The following PLEKHM3 variants were observed in gnomAD, a reference collection of about 807,000 sequenced individuals.
PLEKHM3 encodes the protein pleckstrin homology domain containing M3.
PLEKHM3 carries 45 observed loss-of-function variants against 81.8 expected under a neutral mutation model. That is an observed-to-expected ratio of 0.55 (90% CI 0.43 to 0.71). PLEKHM3 has a LOEUF of 0.71. Ranked by LOEUF, PLEKHM3 falls within the 30% of genes least tolerant of loss-of-function variation. PLEKHM3 has a pLI of 0.00. For missense variants in PLEKHM3, 788 were observed against 924.3 expected, an observed-to-expected ratio of 0.85 and a Z score of 1.91; for synonymous variants, 352 against 356.4, an observed-to-expected ratio of 0.99 and a Z score of 0.14.
Position 207,995,683 on chromosome 2 carries a change from T to G in PLEKHM3, c.610+5347A>C, listed in dbSNP as rs1692097252. ...CTGCTACCTATAAAGCAGTTAAAAT[T>G]ATCAGTGCACAAAGTGTTAGCTGCC... is the stretch of plus-strand genomic sequence containing the variant. On this transcript the variant is annotated intron_variant, in intron 2 of 7. Coordinates refer to ENST00000427836, the MANE Select transcript of PLEKHM3 (RefSeq NM_001080475.3). Among the ~76,000 whole-genome samples, 3 of 152,304 alleles carry G rather than the reference T, an allele frequency of 2.0e-5. No homozygotes were observed. In the South Asian group the frequency reaches 6.2e-4, roughly 32 times the overall value.
At chr2:207,916,807 A>T (rs1343552479) in intron 5 of PLEKHM3, among the ~76,000 whole-genome samples, 1 of 152,196 alleles carries the variant, frequency 6.6e-6, no homozygotes, top group Non-Finnish European at 1.5e-5. Flanking sequence ...TTCATCTCAG[A>T]ATAAGAGAAA....
chr2:208,011,326 G>A (rs1026124628), intron 1 of PLEKHM3, among the ~76,000 whole-genome samples: 2 of 152,262 alleles, frequency 1.3e-5, no homozygotes, highest in South Asian at 2.1e-4. Flanking sequence ...CTGCGAAAAT[G>A]TGGAACCAAC....
At chr2:207,962,834 G>A (rs1374325152) in intron 3 of PLEKHM3, among the ~76,000 whole-genome samples, 1 of 151,556 alleles carries the variant, frequency 6.6e-6, no homozygotes, top group Non-Finnish European at 1.5e-5. Flanking sequence ...CTGCAGAGAG[G>A]GTATTATGGT....
At chr2:208,007,969 C>T (rs1302188203) in intron 1 of PLEKHM3, among the ~76,000 whole-genome samples, 8 of 152,116 alleles carry the variant, frequency 5.3e-5, no homozygotes, top group Non-Finnish European at 1.0e-4. Context: ...AGGAGAATGG[C>T]GTGAACCCGG....
At chr2:208,023,016 T>C (rs896568224) in intron 1 of PLEKHM3, among the ~76,000 whole-genome samples, 1 of 152,336 alleles carries the variant, frequency 6.6e-6, no homozygotes, top group East Asian at 1.9e-4. Flanking sequence ...ATTTCCATAA[T>C]GGCAAAGGCA....
At chr2:207,996,881 T>A (rs1692138049) in intron 2 of PLEKHM3, among the ~76,000 whole-genome samples, 1 of 152,210 alleles carries the variant, frequency 6.6e-6, no homozygotes, top group Non-Finnish European at 1.5e-5. Context: ...TCATTAAATG[T>A]TTAAAACTTT....
chr2:207,989,609 C>T (rs1056487206), intron 2 of PLEKHM3, among the ~76,000 whole-genome samples: 1 of 152,190 alleles, frequency 6.6e-6, no homozygotes, highest in African/African-American at 2.4e-5. Flanking sequence ...CATCACACAT[C>T]ATGACGCCTG....
chr2:208,004,976 C>A (rs1447422145), intron 1 of PLEKHM3, among the ~76,000 whole-genome samples: 3 of 152,094 alleles, frequency 2.0e-5, no homozygotes, highest in South Asian at 4.1e-4. Flanking sequence ...AAGGCGCCCG[C>A]CACCACGCCT....
intron 6 of PLEKHM3, among the ~76,000 whole-genome samples, chr2:207,882,468 C>G (rs145834787): frequency 6.6e-6 from 1 of 151,778 alleles, no homozygotes; most frequent in Non-Finnish European, 1.5e-5. Flanking sequence ...AAAAATTAGC[C>G]GGGCATGGTC....
At chr2:207,832,715 C>T (rs572006803) in intron 7 of PLEKHM3, among the ~76,000 whole-genome samples, 4 of 151,370 alleles carry the variant, frequency 2.6e-5, no homozygotes, top group South Asian at 2.1e-4. Flanking sequence ...CGCTTGAACC[C>T]GGGAGTCAGA....
intron 7 of PLEKHM3, among the ~76,000 whole-genome samples, chr2:207,841,560 T>C (rs2092354527): frequency 6.8e-6 from 1 of 147,092 alleles, no homozygotes; most frequent in African/African-American, 2.5e-5. Context: ...GCTTTATTTA[T>C]TTTACATTAA....
At chr2:207,889,434 A>AACACACACACACACACACAC (rs35082335) in intron 6 of PLEKHM3, among the ~76,000 whole-genome samples, 8 of 129,172 alleles carry the variant, frequency 6.2e-5, no homozygotes, top group East Asian at 2.8e-4. Flanking sequence ...GGTTTTTTTC[A>AACACACACACACACACACAC]ACACACACAC....
intron 7 of PLEKHM3, among the ~76,000 whole-genome samples, chr2:207,836,446 C>T (rs1243879086): frequency 2.0e-5 from 3 of 151,982 alleles, no homozygotes; most frequent in African/African-American, 7.3e-5. Flanking sequence ...TCTAATAGTC[C>T]ATCACCAAGA....
intron 7 of PLEKHM3, among the ~76,000 whole-genome samples, chr2:207,851,011 G>A (rs918342170): frequency 2.6e-5 from 4 of 152,032 alleles, no homozygotes; most frequent in Non-Finnish European, 4.4e-5. Context: ...AAATTAGCTG[G>A]GCGTCGTGGC....
intron 1 of PLEKHM3, among the ~76,000 whole-genome samples, chr2:208,024,142 CAAAATAAAAT>C (rs57377948): frequency 0.027 from 3,757 of 137,750 alleles, 155 homozygotes; most frequent in African/African-American, 0.093. Flanking sequence ...GACCCTGTCT[CAAAATAAAAT>C]AAAATAAAAT....
chr2:207,856,078 CA>C lies in PLEKHM3; in HGVS notation c.2108+5026del, dbSNP rs1160276405. 1.8e-4 allele frequency among the ~76,000 whole-genome samples: 27 copies of C among 152,146 alleles called. 1 individual carries two copies. Among genetic ancestry groups the C allele is most frequent in the Admixed American group, 3.3e-4 (5 of 15,284 alleles). ...TTTCTCTGTTAATCTAAAATTGTTCCAGTAAGGTTTATAAAAATTGTTCATC... is the reference window on the plus strand; with the variant it reads ...TTTCTCTGTTAATCTAAAATTGTTCCGTAAGGTTTATAAAAATTGTTCATC... On this transcript the variant is annotated intron_variant, in intron 7 of 7. Transcript: ENST00000427836.
chr2:207,972,056 G>A (rs1426799361), intron 3 of PLEKHM3, among the ~76,000 whole-genome samples: 1 of 152,212 alleles, frequency 6.6e-6, no homozygotes, highest in Non-Finnish European at 1.5e-5. Flanking sequence ...ATTCACTGAT[G>A]TGATTATTTG....
chr2:207,935,328 G>A lies in PLEKHM3; in HGVS notation c.1693-4209C>T, dbSNP rs187960599. 9.6e-4 allele frequency among the ~76,000 whole-genome samples: 147 copies of A among 152,358 alleles called. 1 individual carries two copies. Among genetic ancestry groups the A allele is most frequent in the African/African-American group, 3.2e-3 (132 of 41,588 alleles). On this transcript the variant is annotated intron_variant, in intron 4 of 7. Transcript: ENST00000427836. ...AAGCTATTTTACTACAGACAGGGCA[G>A]CTGTTGAGTGCTGCACATGATGCAT...
Position 207,963,826 on chromosome 2 carries a change from G to C in PLEKHM3, c.1546+12825C>G, listed in dbSNP as rs375459366. On this transcript the variant is annotated intron_variant, in intron 3 of 7. Coordinates refer to ENST00000427836, the MANE Select transcript of PLEKHM3 (RefSeq NM_001080475.3). The stretch of plus-strand genomic sequence containing the variant: ...TGTTTCAGCAGATTGATACCCCAAT[G>C]GCTAACATATTGAACATATATAGAA... Among the ~76,000 whole-genome samples the C allele has an allele frequency of 5.9e-5, 9 of 152,142 alleles. No individual in the cohort carries two copies. The East Asian group carries it at 1.5e-3, about 26-fold the overall frequency.
Sources: gnomAD v4.1 joint callset for allele counts (sites outside exome capture counted in the v4.1 genomes callset) on GRCh38, gnomAD v4.1.1 for gene constraint, MANE v1.5 for transcripts, NCBI Gene and HGNC (gene_info 2026-07-23, HGNC 2026-07-21) for gene names.